Variants in MCCC2 observed in about 807,000 individuals in gnomAD.
MCCC2 encodes the protein methylcrotonoyl-CoA carboxylase beta chain, mitochondrial.
MCCC2 carries 52 observed loss-of-function variants against 77.2 expected under a neutral mutation model. The observed-to-expected ratio is 0.67, with a 90% confidence interval of 0.54 to 0.85. MCCC2 has a LOEUF of 0.85. Among genes scored for constraint, MCCC2 ranks in the 40% least tolerant of loss-of-function variants. The probability of loss-of-function intolerance (pLI) is 0.00; values close to 1 mark genes in which losing one functional copy is unlikely to be tolerated. For missense variants in MCCC2, 682 were observed against 703.2 expected, an observed-to-expected ratio of 0.97 and a Z score of 0.34; for synonymous variants, 253 against 248.4, an observed-to-expected ratio of 1.02 and a Z score of -0.18.
intron 7 of MCCC2, among the ~76,000 whole-genome samples, chr5:71,631,394 GA>G (rs1746705387): frequency 1.3e-5 from 2 of 152,090 alleles, no homozygotes; most frequent in Admixed American, 6.5e-5. Flanking sequence ...GGTGGGACTT[GA>G]AGGGTAAGTG....
In MCCC2 at chr5:71,587,356, A is replaced by C. The variant is rs969502663; in HGVS notation, c.-70A>C. Reference sequence around the variant, plus strand: ...CCTGAGCTCAGCTTCCGCCCCAGCCAGGGAAGCGGCAGGGGAAAGCACCGG... The same window carrying C: ...CCTGAGCTCAGCTTCCGCCCCAGCCCGGGAAGCGGCAGGGGAAAGCACCGG... On this transcript the variant is annotated 5_prime_UTR_variant, in exon 1 of 17. Coordinates refer to ENST00000340941, the MANE Select transcript of MCCC2 (RefSeq NM_022132.5). 7.3e-6 allele frequency: 11 copies of C among 1,514,862 alleles called. No homozygotes were observed. In the African/African-American group the frequency reaches 1.5e-4, roughly 21 times the overall value. The allele number at this position is 1,514,862 out of a possible 1,614,324, so 93.8% of individuals were successfully genotyped here.
Position 71,657,202 on chromosome 5 carries a change from T to G in MCCC2, c.*342T>G. Reference sequence around the variant, plus strand: ...TATTGAGATGATTAATATAAAGTTGTATTTTCACTGAAATGATTGTTTTGC... The same window carrying G: ...TATTGAGATGATTAATATAAAGTTGGATTTTCACTGAAATGATTGTTTTGC... On this transcript the variant is annotated 3_prime_UTR_variant, in exon 17 of 17. Coordinates refer to ENST00000340941, the MANE Select transcript of MCCC2 (RefSeq NM_022132.5). 1 of 240,848 alleles carries G rather than the reference T, an allele frequency of 4.2e-6. No individual in the cohort carries two copies. Among genetic ancestry groups the G allele is most frequent in the South Asian group, 5.4e-5 (1 of 18,568 alleles). 14.9% of individuals were successfully genotyped at this position (240,848 alleles called of 1,614,324 possible).
intron 8 of MCCC2, among the ~76,000 whole-genome samples, chr5:71,634,474 G>T (rs1298340567): frequency 6.6e-6 from 1 of 152,158 alleles, no homozygotes; most frequent in African/African-American, 2.4e-5. Flanking sequence ...GCCAGAATTG[G>T]CATCTCCATT....
chr5:71,647,533 T>TTTTTG (rs1236479395), intron 13 of MCCC2, among the ~76,000 whole-genome samples: 4 of 152,138 alleles, frequency 2.6e-5, no homozygotes, highest in Non-Finnish European at 5.9e-5. Flanking sequence ...GATATCTACA[T>TTTTTG]TTTTGTTTTG....
intron 10 of MCCC2, among the ~76,000 whole-genome samples, chr5:71,638,503 C>T (rs1747006262): frequency 6.6e-6 from 1 of 152,198 alleles, no homozygotes; most frequent in Non-Finnish European, 1.5e-5. Context: ...CTATCTATGG[C>T]AGCTATAGCC....
chr5:71,646,064 T>A (rs61463009), intron 12 of MCCC2, 147 bp from the exon 13 acceptor site: 621 of 449,398 alleles, frequency 1.4e-3, no homozygotes, highest in East Asian at 9.7e-3. Context: ...CATGTTTCTT[T>A]AAAAAAAAAA....
chr5:71,626,865 A>G (rs1405477945), intron 7 of MCCC2, 112 bp downstream of exon 7: 4 of 1,020,708 alleles, frequency 3.9e-6, no homozygotes, highest in Non-Finnish European at 6.0e-6. Context: ...TATGCATAAC[A>G]TAAAACTTAC....
intron 12 of MCCC2, among the ~76,000 whole-genome samples, chr5:71,645,822 T>C (rs1747258856): frequency 6.6e-6 from 1 of 152,230 alleles, no homozygotes; most frequent in Non-Finnish European, 1.5e-5. Flanking sequence ...AGTACAAACC[T>C]ACAGTTACAT....
intron 16 of MCCC2, among the ~76,000 whole-genome samples, chr5:71,656,183 G>A (rs572314496): frequency 2.0e-5 from 3 of 152,306 alleles, no homozygotes; most frequent in Admixed American, 2.0e-4. Flanking sequence ...CCACTGCACT[G>A]CACTCCAGCC....
At chr5:71,645,603 G>A (rs191631413) in intron 12 of MCCC2, among the ~76,000 whole-genome samples, 2 of 152,104 alleles carry the variant, frequency 1.3e-5, no homozygotes, top group African/African-American at 4.8e-5. Context: ...ATCCCAGGAG[G>A]GTTTATATTC....
chr5:71,657,687 A>T lies in MCCC2; in HGVS notation c.*827A>T, dbSNP rs1747622203. 1.3e-5 allele frequency: 2 copies of T among 152,240 alleles called. No individual in the cohort carries two copies. The highest frequency in any genetic ancestry group is 4.8e-5 in the African/African-American group (2 of 41,408). The allele number at this position is 152,240 out of a possible 1,614,324, so 9.4% of individuals were successfully genotyped here. A position where few individuals can be genotyped will look rare whatever the true frequency, so the allele number is the denominator to read the frequency against. On this transcript the variant is annotated 3_prime_UTR_variant, in exon 17 of 17. Transcript: ENST00000340941. ...AGTGATCCACCCGCCTCGGCCTCCC[A>T]AAGTGCTGGGATTACAGGTGTGAGC... is the stretch of plus-strand genomic sequence containing the variant.
chr5:71,602,788 CT>C (rs1745493049), intron 5 of MCCC2, 155 bp downstream of exon 5: 4 of 1,134,730 alleles, frequency 3.5e-6, no homozygotes, highest in African/African-American at 3.1e-5. Flanking sequence ...GCTGAAAACT[CT>C]GGGGGAAAGT....
intron 8 of MCCC2, among the ~76,000 whole-genome samples, chr5:71,634,446 T>C (rs935324672): frequency 3.9e-5 from 6 of 152,168 alleles, no homozygotes; most frequent in Non-Finnish European, 8.8e-5. Context: ...GGGCTCAGAG[T>C]TCTCTCAGAA....
chr5:71,645,168 A>G (rs1747243087), intron 12 of MCCC2, among the ~76,000 whole-genome samples: 1 of 152,160 alleles, frequency 6.6e-6, no homozygotes, highest in South Asian at 2.1e-4. Flanking sequence ...TCAGCTTGGT[A>G]CAAATAAACC....
At chr5:71,628,386 C>T (rs1746605934) in intron 7 of MCCC2, among the ~76,000 whole-genome samples, 2 of 152,180 alleles carry the variant, frequency 1.3e-5, no homozygotes, top group African/African-American at 4.8e-5. Context: ...AAATTTTGAT[C>T]ACATCCAGTT....
At chr5:71,626,553 G>A in intron 6 of MCCC2, 87 bp from the exon 7 acceptor site, 2 of 988,102 alleles carry the variant, frequency 2.0e-6, no homozygotes, top group Non-Finnish European at 3.2e-6. Flanking sequence ...CCTGGTCACT[G>A]CAGTGTTTGT....
chr5:71,615,762 T>C (rs941002593), intron 6 of MCCC2, among the ~76,000 whole-genome samples: 12 of 152,180 alleles, frequency 7.9e-5, no homozygotes, highest in African/African-American at 2.7e-4. Flanking sequence ...CCCTTGTAGA[T>C]AGGGGTACTA....
chr5:71,608,974 G>A (rs1745803820), intron 6 of MCCC2, among the ~76,000 whole-genome samples: 2 of 151,988 alleles, frequency 1.3e-5, no homozygotes, highest in African/African-American at 2.4e-5. Context: ...AGGGTAACCC[G>A]ACCTTTCTCT....
intron 8 of MCCC2, among the ~76,000 whole-genome samples, chr5:71,634,545 C>T (rs1197058500): frequency 1.3e-5 from 2 of 152,162 alleles, no homozygotes; most frequent in Admixed American, 1.3e-4. Flanking sequence ...AGTGTGCCGT[C>T]TGTGGTTGGC....
Sources: allele counts gnomAD v4.1 joint callset (sites outside exome capture counted in the v4.1 genomes callset), GRCh38; gene constraint gnomAD v4.1.1; transcripts MANE v1.5; gene names NCBI Gene and HGNC (gene_info 2026-07-23, HGNC 2026-07-21).